The following TTC28 variants were observed in gnomAD, a reference collection of about 807,000 sequenced individuals.
TTC28 encodes the protein tetratricopeptide repeat domain 28.
Under a neutral mutation model 198.0 loss-of-function variants are expected in TTC28, and 61 were observed. That is an observed-to-expected ratio of 0.31 (90% CI 0.25 to 0.38). TTC28 has a LOEUF of 0.38. Ranked by LOEUF, TTC28 falls within the 10% of genes least tolerant of loss-of-function variation. The pLI is 1.00. For missense variants in TTC28, 2,678 were observed against 3,164.0 expected (o/e 0.85, Z 3.69); for synonymous variants, 1,171 against 1,297.8 (o/e 0.90, Z 2.10).
intron 2 of TTC28, among the ~76,000 whole-genome samples, chr22:28,354,638 T>A (rs983475520): frequency 2.6e-5 from 4 of 152,162 alleles, no homozygotes; most frequent in African/African-American, 9.7e-5. Context: ...CTACTACCAC[T>A]AAATTATACA....
At chr22:28,367,983 A>G (rs1218108508) in intron 2 of TTC28, among the ~76,000 whole-genome samples, 1 of 152,066 alleles carries the variant, frequency 6.6e-6, no homozygotes, top group African/African-American at 2.4e-5. Context: ...TCTAACGAAC[A>G]TTTAAAAAAG....
intron 12 of TTC28, among the ~76,000 whole-genome samples, chr22:28,063,549 CAG>C (rs1940632694): frequency 6.6e-6 from 1 of 152,140 alleles, no homozygotes; most frequent in African/African-American, 2.4e-5. Flanking sequence ...CTGCCCACCG[CAG>C]AGAGTTTTTG....
chr22:28,009,602 G>C (rs937631687), intron 14 of TTC28, among the ~76,000 whole-genome samples: 2 of 152,154 alleles, frequency 1.3e-5, no homozygotes, highest in African/African-American at 4.8e-5. Context: ...GCAGGTGACG[G>C]GTGCCAAACC....
intron 2 of TTC28, among the ~76,000 whole-genome samples, chr22:28,510,799 T>G (rs560367002): frequency 2.0e-5 from 3 of 152,026 alleles, no homozygotes; most frequent in African/African-American, 7.2e-5. Context: ...AAAAACAACT[T>G]CCACAAAGTC....
chr22:28,048,123 G>A (rs1939939986), intron 12 of TTC28, among the ~76,000 whole-genome samples: 1 of 151,908 alleles, frequency 6.6e-6, no homozygotes, highest in Admixed American at 6.6e-5. Flanking sequence ...TTCTGCTTGG[G>A]TAAATCCATG....
intron 2 of TTC28, among the ~76,000 whole-genome samples, chr22:28,607,489 T>A (rs1351027167): frequency 6.6e-6 from 1 of 152,144 alleles, no homozygotes; most frequent in Non-Finnish European, 1.5e-5. Flanking sequence ...TGAATTTTCA[T>A]CTCCTTAAAA....
chr22:28,607,615 G>T (rs1394108944), intron 2 of TTC28, among the ~76,000 whole-genome samples: 1 of 152,090 alleles, frequency 6.6e-6, no homozygotes, highest in East Asian at 1.9e-4. Context: ...AGCATGCACA[G>T]ATGTTAAGAC....
chr22:28,531,449 C>A (rs2049137659), intron 2 of TTC28, among the ~76,000 whole-genome samples: 1 of 152,120 alleles, frequency 6.6e-6, no homozygotes, highest in Non-Finnish European at 1.5e-5. Flanking sequence ...GACTCCCACA[C>A]AATAATAATG....
intron 2 of TTC28, among the ~76,000 whole-genome samples, chr22:28,378,926 G>C (rs1379060657): frequency 6.6e-6 from 1 of 151,950 alleles, no homozygotes; most frequent in African/African-American, 2.4e-5. Context: ...AACTGTTATT[G>C]CTTAAATAAA....
intron 5 of TTC28, among the ~76,000 whole-genome samples, chr22:28,222,782 C>T (rs1927989336): frequency 6.6e-6 from 1 of 152,198 alleles, no homozygotes; most frequent in Non-Finnish European, 1.5e-5. Flanking sequence ...CTCAAGGTGA[C>T]CCCAACAAGG....
At chr22:28,167,493 TC>T (rs1291381773) in intron 5 of TTC28, among the ~76,000 whole-genome samples, 1 of 152,172 alleles carries the variant, frequency 6.6e-6, no homozygotes, top group East Asian at 1.9e-4. Flanking sequence ...GGACTTCATC[TC>T]TGCGATGCAA....
intron 2 of TTC28, among the ~76,000 whole-genome samples, chr22:28,528,676 C>T (rs2049062053): frequency 7.3e-6 from 1 of 136,384 alleles, no homozygotes; most frequent in Non-Finnish European, 1.5e-5. Context: ...GCGGAGGTTA[C>T]AGTGAACTGA....
intron 2 of TTC28, among the ~76,000 whole-genome samples, chr22:28,608,178 CT>C (rs1231193500): frequency 1.3e-5 from 2 of 152,346 alleles, no homozygotes; most frequent in East Asian, 1.9e-4. Flanking sequence ...TGCACTATTT[CT>C]ATCCCTTTTT....
chr22:28,001,878 A>T, intron 14 of TTC28: 1 of 289,238 alleles, frequency 3.5e-6, no homozygotes, highest in Non-Finnish European at 6.7e-6. Context: ...CACCCTGAGA[A>T]GGGGTGGGAA....
rs141130333 is a variant in TTC28, at chr22:28,018,377, T to C, written c.4074-3985A>G. 8.5e-3 allele frequency among the ~76,000 whole-genome samples: 1,283 copies of C among 151,494 alleles called. 19 individuals carry two copies. Among genetic ancestry groups the C allele is most frequent in the African/African-American group, 0.029 (1,190 of 41,110 alleles). ...ATAAAAACAAAAGCCTAGAAATAGT[T>C]GGTAATTATGAAACAACAAACCAAA... On this transcript the variant is annotated intron_variant, in intron 13 of 22. Coordinates refer to ENST00000397906, the MANE Select transcript of TTC28 (RefSeq NM_001145418.2).
At chr22:28,352,011 T>C (rs2046003886) in intron 2 of TTC28, among the ~76,000 whole-genome samples, 1 of 152,148 alleles carries the variant, frequency 6.6e-6, no homozygotes, top group African/African-American at 2.4e-5. Flanking sequence ...TTCTAGATAT[T>C]CTCCCCTCTA....
At chr22:28,063,369 T>C (rs1940625544) in intron 12 of TTC28, among the ~76,000 whole-genome samples, 1 of 152,210 alleles carries the variant, frequency 6.6e-6, no homozygotes, top group Admixed American at 6.5e-5. Context: ...ACGCCAAATG[T>C]GGCCATTGGC....
chr22:28,154,291 GTTGTT>G (rs1293506802), intron 6 of TTC28, among the ~76,000 whole-genome samples: 1 of 150,524 alleles, frequency 6.6e-6, no homozygotes, highest in Admixed American at 6.6e-5. Flanking sequence ...TGCAACTACA[GTTGTT>G]TTGAACATAA....
At chr22:28,612,433 C>T (rs2050834588) in intron 2 of TTC28, among the ~76,000 whole-genome samples, 1 of 152,152 alleles carries the variant, frequency 6.6e-6, no homozygotes, top group Non-Finnish European at 1.5e-5. Flanking sequence ...AGAAAATTAA[C>T]AAGCATATTC....
Sources: gnomAD v4.1 joint callset for allele counts (sites outside exome capture counted in the v4.1 genomes callset) on GRCh38, gnomAD v4.1.1 for gene constraint, MANE v1.5 for transcripts, NCBI Gene and HGNC (gene_info 2026-07-23, HGNC 2026-07-21) for gene names.